EPC2: variants seen among roughly 807,000 people sequenced by gnomAD.
EPC2 encodes the protein enhancer of polycomb homolog 2.
Under a neutral mutation model 92.1 loss-of-function variants are expected in EPC2, and 14 were observed. The observed-to-expected ratio is 0.15, with a 90% CI of 0.10 to 0.24. The LOEUF (loss-of-function observed/expected upper bound fraction) is 0.24. Ranked by LOEUF, EPC2 falls within the 10% of genes least tolerant of loss-of-function variation. EPC2 has a pLI of 1.00. For synonymous variants in EPC2, 340 were observed against 334.7 expected, an observed-to-expected ratio of 1.02 and a Z score of -0.17; for missense variants, 755 against 971.5, an observed-to-expected ratio of 0.78 and a Z score of 2.96.
intron 1 of EPC2, among the ~76,000 whole-genome samples, chr2:148,668,047 C>T (rs1196662849): frequency 2.0e-5 from 3 of 151,958 alleles, no homozygotes; most frequent in African/African-American, 4.8e-5. Flanking sequence ...TACAGGCACA[C>T]GCCACCATGC....
At chr2:148,779,047 T>C (rs1235427096) in intron 10 of EPC2, among the ~76,000 whole-genome samples, 2 of 152,124 alleles carry the variant, frequency 1.3e-5, no homozygotes, top group Admixed American at 6.6e-5. Context: ...TGCAACCAGA[T>C]TGGGATTTTC....
At chr2:148,650,983 C>A (rs1326778752) in intron 1 of EPC2, among the ~76,000 whole-genome samples, 1 of 152,016 alleles carries the variant, frequency 6.6e-6, no homozygotes, top group Non-Finnish European at 1.5e-5. Flanking sequence ...CCATTAAGTC[C>A]AAAAACATGT....
intron 1 of EPC2, among the ~76,000 whole-genome samples, chr2:148,662,401 A>G (rs530746271): frequency 1.9e-3 from 283 of 152,334 alleles, no homozygotes; most frequent in African/African-American, 6.6e-3. Flanking sequence ...ACAATAGCAA[A>G]GACTTGGAAC....
At chr2:148,732,112 T>TCC (rs1682643972) in intron 2 of EPC2, among the ~76,000 whole-genome samples, 1 of 152,232 alleles carries the variant, frequency 6.6e-6, no homozygotes, top group African/African-American at 2.4e-5. Flanking sequence ...TTATGGTTTT[T>TCC]CCTCACCAAG....
intron 4 of EPC2, among the ~76,000 whole-genome samples, chr2:148,754,982 T>C (rs1683158937): frequency 6.6e-6 from 1 of 152,162 alleles, no homozygotes; most frequent in East Asian, 1.9e-4. Flanking sequence ...AAATAAGGAA[T>C]TATAATTGGA....
chr2:148,754,081 A>G lies in EPC2; in HGVS notation c.614A>G (p.Asn205Ser), dbSNP rs200022184. 7.0e-4 allele frequency: 1,126 copies of G among 1,610,708 alleles called. 3 individuals are homozygous for G. The highest frequency in any genetic ancestry group is 2.4e-4 in the Non-Finnish European group (278 of 1,178,450). Residue 205 changes from asparagine (N) to serine (S), a missense_variant, in exon 4 of 14, where the codon AAT (asparagine) becomes AGT (serine). Physicochemically the swap from Asn to Ser is conservative, Grantham distance 46. Transcript: ENST00000258484. ...GAGAAAAGAGATGGCTCTACCAACA[A>G]TGACCCTTATGTTGCCTTTCGGAGA... is the stretch of plus-strand genomic sequence containing the variant. ...KQEKRDGSTN[N>S]DPYVAFRRRT... is the part of the protein sequence containing the mutation.
In EPC2 at chr2:148,692,280, A is replaced by T. The variant is rs369744660; in HGVS notation, c.313+1907A>T. ...CTTTGCTTATCGTAGTATCTTTTAC[A>T]TACTTCTGTTAGAGGACTCACCATA... On this transcript the variant is annotated intron_variant, in intron 2 of 13. Coordinates refer to ENST00000258484, the MANE Select transcript of EPC2 (RefSeq NM_015630.4). 3.1e-5 allele frequency: 5 copies of T among 161,744 alleles called. 1 individual carries two copies. The highest frequency in any genetic ancestry group is 1.2e-4 in the African/African-American group (5 of 41,614). The allele number at this position is 161,744 out of a possible 1,614,324, so 10.0% of individuals were successfully genotyped here.
At chr2:148,719,788 GCCA>G (rs1682332335) in intron 2 of EPC2, among the ~76,000 whole-genome samples, 2 of 152,214 alleles carry the variant, frequency 1.3e-5, no homozygotes, top group Admixed American at 6.5e-5. Flanking sequence ...GATCCCTTTA[GCCA>G]CCATTTGATC....
chr2:148,737,505 T>C (rs947010055), intron 2 of EPC2, among the ~76,000 whole-genome samples: 1 of 152,044 alleles, frequency 6.6e-6, no homozygotes, highest in African/African-American at 2.4e-5. Flanking sequence ...ATTCCATGGT[T>C]CCATTTGTAG....
chr2:148,664,530 A>T (rs1294466859), intron 1 of EPC2, among the ~76,000 whole-genome samples: 1 of 152,228 alleles, frequency 6.6e-6, no homozygotes, highest in Non-Finnish European at 1.5e-5. Context: ...ATTGAGGTAT[A>T]GTTGACATAC....
chr2:148,678,641 C>T (rs191549294), intron 1 of EPC2, among the ~76,000 whole-genome samples: 3,932 of 152,340 alleles, frequency 0.026, 58 homozygotes, highest in East Asian at 0.032. Context: ...GCCGCTGGCC[C>T]GGGTGCTAAG....
intron 3 of EPC2, among the ~76,000 whole-genome samples, chr2:148,748,730 C>CA (rs201514929): frequency 6.6e-6 from 1 of 151,832 alleles, no homozygotes; most frequent in Non-Finnish European, 1.5e-5. Context: ...GTGAATGAAA[C>CA]AAAGTTTTGA....
intron 7 of EPC2, among the ~76,000 whole-genome samples, chr2:148,768,057 C>A (rs1683449873): frequency 6.6e-6 from 1 of 152,132 alleles, no homozygotes; most frequent in South Asian, 2.1e-4. Flanking sequence ...CAAACAAATA[C>A]CTTTCTCCCC....
intron 1 of EPC2, among the ~76,000 whole-genome samples, chr2:148,667,003 A>G (rs987147608): frequency 2.6e-5 from 4 of 152,164 alleles, no homozygotes; most frequent in Non-Finnish European, 4.4e-5. Context: ...TAAATGAAAG[A>G]CTGAAAGACA....
At chr2:148,689,886 T>C (rs1431964223) in intron 1 of EPC2, among the ~76,000 whole-genome samples, 2 of 152,224 alleles carry the variant, frequency 1.3e-5, no homozygotes, top group Non-Finnish European at 2.9e-5. Context: ...TTCTTTCATC[T>C]GGTAGTGGTG....
At chr2:148,778,114 AC>A (rs1378998413) in intron 10 of EPC2, among the ~76,000 whole-genome samples, 1 of 152,224 alleles carries the variant, frequency 6.6e-6, no homozygotes, top group Non-Finnish European at 1.5e-5. Context: ...TCCTACCTTC[AC>A]AAAACAATCA....
intron 2 of EPC2, among the ~76,000 whole-genome samples, chr2:148,710,906 C>T (rs1001222027): frequency 4.0e-5 from 6 of 151,646 alleles, no homozygotes; most frequent in Non-Finnish European, 7.4e-5. Flanking sequence ...AAAGAGAGTT[C>T]CCATATACCT....
At chr2:148,752,970 C>T (rs1214700537) in intron 3 of EPC2, among the ~76,000 whole-genome samples, 3 of 152,156 alleles carry the variant, frequency 2.0e-5, no homozygotes, top group African/African-American at 4.8e-5. Flanking sequence ...GCCTTCATCT[C>T]TAAAATAATA....
At chr2:148,774,815 C>T (rs1479897561) in intron 10 of EPC2, among the ~76,000 whole-genome samples, 14 of 149,790 alleles carry the variant, frequency 9.3e-5, no homozygotes, top group African/African-American at 2.7e-4. Context: ...GGGCCAGGCG[C>T]GGTGGCTCAC....
Sources: gnomAD v4.1 joint callset for allele counts (sites outside exome capture counted in the v4.1 genomes callset) on GRCh38, gnomAD v4.1.1 for gene constraint, MANE v1.5 for transcripts, NCBI Gene and HGNC (gene_info 2026-07-23, HGNC 2026-07-21) for gene names.